HIP1: variants seen among roughly 807,000 people sequenced by gnomAD.
HIP1 encodes huntingtin interacting protein 1.
Under a neutral mutation model 147.6 loss-of-function variants are expected in HIP1, and 65 were observed. The ratio of observed to expected loss-of-function variants is 0.44; its 90% confidence interval spans 0.36 to 0.54. The LOEUF is 0.54. Among genes scored for constraint, HIP1 ranks in the 20% least tolerant of loss-of-function variants. The pLI is 0.00. For missense variants in HIP1, 1,061 were observed against 1,299.6 expected (o/e 0.82, Z 2.82); for synonymous variants, 479 against 504.0 (o/e 0.95, Z 0.67).
At position 75,548,890 on chromosome 7, in the gene HIP1, C is replaced by CCT; in HGVS notation, c.2405_2406dup (p.Glu803ArgfsTer18). The stretch of plus-strand genomic sequence containing the variant: ...CAGGAGATCCTGCAGGAACCTCCTA[C>CCT]CTCTATTCTGGCCGTGGCAGTTTCA... On this transcript the variant is annotated frameshift_variant and splice_region_variant. Transcript: ENST00000336926. LOFTEE classifies it high-confidence loss of function. 6.2e-7 allele frequency: 1 copy of CCT among 1,607,574 alleles called. No homozygotes were observed. The highest frequency in any genetic ancestry group is 8.5e-7 in the Non-Finnish European group (1 of 1,173,922).
chr7:75,727,976 C>T (rs138711523), intron 1 of HIP1, among the ~76,000 whole-genome samples: 1 of 152,104 alleles, frequency 6.6e-6, no homozygotes, highest in Non-Finnish European at 1.5e-5. Context: ...TGGGGCCAGA[C>T]AAGCCAGGTT....
At chr7:75,699,877 G>A (rs1045944003) in intron 1 of HIP1, among the ~76,000 whole-genome samples, 7 of 151,816 alleles carry the variant, frequency 4.6e-5, no homozygotes, top group African/African-American at 1.7e-4. Context: ...TTGAGACAGA[G>A]TCTCTCTCTG....
chr7:75,663,145 C>A (rs532769256), intron 1 of HIP1, among the ~76,000 whole-genome samples: 1 of 152,226 alleles, frequency 6.6e-6, no homozygotes, highest in South Asian at 2.1e-4. Context: ...GTACAACGAC[C>A]AAGAAAACAT....
At position 75,635,907 on chromosome 7, in the gene HIP1, C is replaced by T. The variant is rs782209522; in HGVS notation, c.121-36660G>A. Among the ~76,000 whole-genome samples the T allele has an allele frequency of 8.0e-5, 12 of 150,822 alleles. 1 individual carries two copies. The highest frequency in any genetic ancestry group is 2.9e-4 in the African/African-American group (12 of 40,974). On this transcript the variant is annotated intron_variant, in intron 1 of 30. Coordinates refer to ENST00000336926, the MANE Select transcript of HIP1 (RefSeq NM_005338.7). Reference sequence around the variant, plus strand: ...GTGTAGTGGTGTGCGCCTGTAATCCCAGCTACCCAGGAGGCTGAGGTAGGG... The same window carrying T: ...GTGTAGTGGTGTGCGCCTGTAATCCTAGCTACCCAGGAGGCTGAGGTAGGG...
intron 1 of HIP1, among the ~76,000 whole-genome samples, chr7:75,622,106 C>T (rs1378476758): frequency 4.0e-5 from 6 of 151,742 alleles, no homozygotes; most frequent in African/African-American, 1.2e-4. Context: ...CATGATGAAA[C>T]CCTGTCTCTA....
At chr7:75,606,996 G>T (rs1228365432) in intron 1 of HIP1, among the ~76,000 whole-genome samples, 1 of 151,962 alleles carries the variant, frequency 6.6e-6, no homozygotes, top group Non-Finnish European at 1.5e-5. Context: ...TTGGGAGGTT[G>T]AGGCTGGAGG....
intron 1 of HIP1, among the ~76,000 whole-genome samples, chr7:75,716,002 G>T (rs1801307295): frequency 6.6e-6 from 1 of 151,948 alleles, no homozygotes; most frequent in East Asian, 1.9e-4. Context: ...TGAACTAACA[G>T]AATGAGAACT....
rs201661283 is a variant in HIP1, at chr7:75,557,658, C to T, written c.1577G>A (p.Arg526Gln). The T allele has an allele frequency of 4.0e-5, 65 of 1,611,930 alleles. 1 individual carries two copies. Among genetic ancestry groups the T allele is most frequent in the Middle Eastern group, 3.3e-4 (2 of 6,072 alleles). The change falls in exon 16 of 31, where the codon CGG becomes CAG. Residue 526 changes from arginine to glutamine, a missense_variant. Transcript: ENST00000336926. ...SLERISDQGQRKTQEQLEVLE... is the reference protein window; with the variant it reads ...SLERISDQGQQKTQEQLEVLE... ...AGTGCTCCTCGTCCCACTCACCTTC[C>T]GCTGGCCCTGGTCACTGATGCGCTC... is the stretch of plus-strand genomic sequence containing the variant.
chr7:75,651,408 A>G (rs1382873582), intron 1 of HIP1, among the ~76,000 whole-genome samples: 78 of 143,210 alleles, frequency 5.4e-4, no homozygotes, highest in African/African-American at 2.0e-3. Flanking sequence ...GCAGTGAGCC[A>G]AGATTGTGCC....
At chr7:75,601,548 A>T (rs1357496687) in intron 1 of HIP1, among the ~76,000 whole-genome samples, 2 of 151,834 alleles carry the variant, frequency 1.3e-5, no homozygotes, top group East Asian at 3.9e-4. Context: ...GTGAGCCGAG[A>T]TTCCACAATT....
intron 1 of HIP1, among the ~76,000 whole-genome samples, chr7:75,677,207 T>A (rs1799924103): frequency 1.0e-5 from 1 of 97,906 alleles, no homozygotes; most frequent in Non-Finnish European, 2.1e-5. Flanking sequence ...AAATAAAAAA[T>A]AAAAATAAAA....
intron 8 of HIP1, among the ~76,000 whole-genome samples, chr7:75,572,286 ATTCTGC>A (rs1268609143): frequency 1.3e-5 from 2 of 151,954 alleles, no homozygotes; most frequent in African/African-American, 4.8e-5. Context: ...AACTATATAT[ATTCTGC>A]TAAGGGCACC....
At chr7:75,649,025 G>A (rs1454070790) in intron 1 of HIP1, among the ~76,000 whole-genome samples, 8 of 151,872 alleles carry the variant, frequency 5.3e-5, no homozygotes, top group African/African-American at 1.2e-4. Context: ...GTCCAGGCTA[G>A]GAACTTTTTT....
At chr7:75,719,367 G>C (rs544401029) in intron 1 of HIP1, among the ~76,000 whole-genome samples, 43 of 151,954 alleles carry the variant, frequency 2.8e-4, no homozygotes, top group Non-Finnish European at 5.3e-4. Context: ...AGCCAGGCAA[G>C]GTGGCAGGCA....
chr7:75,583,332 G>T (rs782617506), intron 5 of HIP1, among the ~76,000 whole-genome samples: 1 of 152,136 alleles, frequency 6.6e-6, no homozygotes, highest in Non-Finnish European at 1.5e-5. Context: ...GCTGCCGACT[G>T]TCCCTGGAGA....
intron 1 of HIP1, among the ~76,000 whole-genome samples, chr7:75,648,753 G>A (rs1037661193): frequency 3.9e-5 from 6 of 152,234 alleles, no homozygotes; most frequent in Admixed American, 1.3e-4. Flanking sequence ...GAAGGAAGGC[G>A]GCACAGAGAC....
intron 1 of HIP1, among the ~76,000 whole-genome samples, chr7:75,681,117 T>C (rs1450662143): frequency 6.6e-6 from 1 of 151,944 alleles, no homozygotes; most frequent in Non-Finnish European, 1.5e-5. Context: ...TTCACCATGT[T>C]GGTCAGGCTG....
At chr7:75,677,519 T>C (rs1409772129) in intron 1 of HIP1, among the ~76,000 whole-genome samples, 1 of 147,026 alleles carries the variant, frequency 6.8e-6, no homozygotes, top group Non-Finnish European at 1.5e-5. Flanking sequence ...GGCATGAGAA[T>C]TGCTTGAACC....
At chr7:75,562,239 G>C (rs889574133) in intron 11 of HIP1, 69 bp from the exon 12 acceptor site, 2 of 999,120 alleles carry the variant, frequency 2.0e-6, no homozygotes, top group Admixed American at 1.7e-5. Flanking sequence ...GGTCAGTTGA[G>C]TGATATGGGA....
Sources: gnomAD v4.1 joint callset for allele counts (sites outside exome capture counted in the v4.1 genomes callset) on GRCh38, gnomAD v4.1.1 for gene constraint, MANE v1.5 for transcripts, NCBI Gene and HGNC (gene_info 2026-07-23, HGNC 2026-07-21) for gene names.